COP1: variants seen among roughly 807,000 people sequenced by gnomAD.
The protein encoded by COP1 is E3 ubiquitin-protein ligase COP1.
Under a neutral mutation model 101.3 loss-of-function variants are expected in COP1, and 24 were observed. That is an observed-to-expected ratio of 0.24 (90% CI 0.17 to 0.33). COP1 has a LOEUF of 0.33. COP1 is among the 10% of genes least tolerant of loss of function. The probability of loss-of-function intolerance (pLI) is 1.00; values close to 1 mark genes in which losing one functional copy is unlikely to be tolerated. For missense variants in COP1, 663 were observed against 906.2 expected (o/e 0.73, Z 3.45); for synonymous variants, 347 against 341.9 (o/e 1.01, Z -0.17).
At chr1:176,154,676 T>A (rs11804926) in intron 5 of COP1, among the ~76,000 whole-genome samples, 8,999 of 152,144 alleles carry the variant, frequency 0.059, 607 homozygotes, top group African/African-American at 0.16. Context: ...GAAAAATAAC[T>A]AATGGATACT....
chr1:176,162,804 T>C, intron 5 of COP1, 65 bp downstream of exon 5: 1 of 1,414,084 alleles, frequency 7.1e-7, no homozygotes, highest in African/African-American at 1.4e-5. Context: ...TTAAACTTTC[T>C]ACGTCTTTTT....
intron 1 of COP1, among the ~76,000 whole-genome samples, chr1:176,195,435 G>A (rs1455468267): frequency 6.6e-6 from 1 of 152,074 alleles, no homozygotes; most frequent in Non-Finnish European, 1.5e-5. Flanking sequence ...AAATGAATGG[G>A]AGTATACTGA....
intron 18 of COP1, among the ~76,000 whole-genome samples, chr1:175,981,119 T>C (rs1655747210): frequency 6.6e-6 from 1 of 152,180 alleles, no homozygotes; most frequent in African/African-American, 2.4e-5. Context: ...CTGGAATCTT[T>C]TTCTTTCTGC....
intron 15 of COP1, among the ~76,000 whole-genome samples, chr1:175,989,801 C>G (rs138138273): frequency 5.9e-5 from 9 of 152,022 alleles, no homozygotes; most frequent in Non-Finnish European, 1.2e-4. Flanking sequence ...TTTTAAAAAA[C>G]CATTATTTAG....
At chr1:176,197,864 CT>C (rs1251844816) in intron 1 of COP1, among the ~76,000 whole-genome samples, 1 of 152,050 alleles carries the variant, frequency 6.6e-6, no homozygotes, top group South Asian at 2.1e-4. Context: ...TATTTACATA[CT>C]AGCAACAATT....
chr1:176,173,257 G>C (rs898930650), intron 3 of COP1, among the ~76,000 whole-genome samples: 4 of 138,510 alleles, frequency 2.9e-5, no homozygotes, highest in Non-Finnish European at 4.6e-5. Context: ...GTTGCAGTGA[G>C]TCAAGATCAT....
intron 18 of COP1, among the ~76,000 whole-genome samples, chr1:175,966,316 A>G (rs549253515): frequency 7.0e-6 from 1 of 143,576 alleles, no homozygotes; most frequent in African/African-American, 2.8e-5. Flanking sequence ...CACACACACA[A>G]ACACTTAAAA....
chr1:175,972,461 ATTTTTTT>A (rs35491036), intron 18 of COP1, among the ~76,000 whole-genome samples: 1 of 130,012 alleles, frequency 7.7e-6, no homozygotes, highest in African/African-American at 2.9e-5. Flanking sequence ...AAATACAAGA[ATTTTTTT>A]TTTTTTTTTT....
intron 8 of COP1, 52 bp downstream of exon 8, chr1:176,134,958 A>G: frequency 7.5e-7 from 1 of 1,335,760 alleles, no homozygotes; most frequent in Non-Finnish European, 1.1e-6. Context: ...ACTAGACCAT[A>G]TGCATACTTT....
At chr1:176,126,454 C>CTT (rs1352191336) in intron 8 of COP1, among the ~76,000 whole-genome samples, 1 of 152,032 alleles carries the variant, frequency 6.6e-6, no homozygotes, top group Non-Finnish European at 1.5e-5. Context: ...AACCTCACTT[C>CTT]TTTTTTCTTT....
intron 8 of COP1, among the ~76,000 whole-genome samples, chr1:176,134,234 A>T (rs1689431639): frequency 2.0e-5 from 3 of 152,180 alleles, no homozygotes; most frequent in African/African-American, 7.2e-5. Flanking sequence ...GTCTGATAAG[A>T]TTCCATTAAA....
intron 6 of COP1, among the ~76,000 whole-genome samples, chr1:176,144,034 T>C (rs1014375608): frequency 2.0e-5 from 3 of 152,126 alleles, no homozygotes; most frequent in African/African-American, 7.2e-5. Flanking sequence ...TGCTTTCACT[T>C]TGAGATCAGC....
chr1:176,073,443 CG>C (rs2149359641), intron 11 of COP1, among the ~76,000 whole-genome samples: 1 of 152,162 alleles, frequency 6.6e-6, no homozygotes, highest in South Asian at 2.1e-4. Context: ...AATTCAAACT[CG>C]GAATTCAAAA....
chr1:176,101,467 G>A (rs967956386), intron 9 of COP1, among the ~76,000 whole-genome samples: 6 of 151,790 alleles, frequency 4.0e-5, no homozygotes, highest in South Asian at 2.1e-4. Flanking sequence ...ATAAGTAATC[G>A]TGTCTTTGTA....
intron 18 of COP1, among the ~76,000 whole-genome samples, chr1:175,978,463 C>G (rs1468444173): frequency 6.6e-6 from 1 of 152,156 alleles, no homozygotes; most frequent in Non-Finnish European, 1.5e-5. Context: ...TGTATACTTC[C>G]TGTAATTTAC....
At chr1:176,105,595 A>G (rs1684171370) in intron 9 of COP1, among the ~76,000 whole-genome samples, 1 of 152,178 alleles carries the variant, frequency 6.6e-6, no homozygotes, top group African/African-American at 2.4e-5. Context: ...AGAAAGGACA[A>G]ATGCCAGAAT....
At chr1:176,082,447 T>G (rs531629912) in intron 10 of COP1, among the ~76,000 whole-genome samples, 38 of 152,340 alleles carry the variant, frequency 2.5e-4, no homozygotes, top group African/African-American at 8.7e-4. Context: ...TATCTGGAGA[T>G]ATTAGGTTAT....
At chr1:176,137,102 C>A (rs1689929921) in intron 6 of COP1, among the ~76,000 whole-genome samples, 1 of 152,066 alleles carries the variant, frequency 6.6e-6, no homozygotes, top group Admixed American at 6.6e-5. Context: ...ATCCCCTCAC[C>A]CAAAAGCAAC....
chr1:175,988,203 C>A (rs931983177), intron 17 of COP1, 85 bp downstream of exon 17: 1 of 1,301,518 alleles, frequency 7.7e-7, no homozygotes, highest in Non-Finnish European at 1.1e-6. Flanking sequence ...CATTTCTTGA[C>A]TTAGTATTTA....
Sources: allele counts gnomAD v4.1 joint callset (sites outside exome capture counted in the v4.1 genomes callset), GRCh38; gene constraint gnomAD v4.1.1; transcripts MANE v1.5; gene names NCBI Gene and HGNC (gene_info 2026-07-23, HGNC 2026-07-21).